The following GTF2E1 variants were observed in gnomAD, a reference collection of about 807,000 sequenced individuals.
GTF2E1 encodes the protein TFIIE alpha subunit.
A neutral mutation model predicts 34.9 loss-of-function variants in GTF2E1; 14 were observed. The ratio of observed to expected loss-of-function variants is 0.40; its 90% CI spans 0.27 to 0.63. The LOEUF (loss-of-function observed/expected upper bound fraction) is 0.63. GTF2E1 is among the 20% of genes least tolerant of loss of function. GTF2E1 has a pLI of 0.39. For synonymous variants in GTF2E1, 188 were observed against 192.9 expected (o/e 0.97, Z 0.21); for missense variants, 469 against 557.7 (o/e 0.84, Z 1.60).
chr3:120,743,062 G>A (rs1282382115), intron 1 of GTF2E1: 1 of 160,552 alleles, frequency 6.2e-6, no homozygotes, highest in Non-Finnish European at 1.4e-5. Context: ...GCATTGGGGA[G>A]GAGTGCATAT....
chr3:120,780,073 G>T (rs1709434164), intron 4 of GTF2E1, among the ~76,000 whole-genome samples: 1 of 152,138 alleles, frequency 6.6e-6, no homozygotes, highest in African/African-American at 2.4e-5. Flanking sequence ...TTTTTATAAA[G>T]AGTTTTAAGT....
At chr3:120,767,336 C>T (rs147371331) in intron 2 of GTF2E1, among the ~76,000 whole-genome samples, 9 of 152,198 alleles carry the variant, frequency 5.9e-5, no homozygotes, top group African/African-American at 2.2e-4. Context: ...AGCAGGTTTG[C>T]TTATGGTCCA....
In GTF2E1 at chr3:120,781,068, G is replaced by T; in HGVS notation, c.918G>T (p.Gln306His). The change falls in exon 5 of 5, where the codon CAG becomes CAT. Residue 306 changes from glutamine (Q) to histidine (H), a missense_variant. Coordinates refer to ENST00000283875, the MANE Select transcript of GTF2E1 (RefSeq NM_005513.3). ...GGGGCATAGATATGGACGCATTTCA[G>T]GAGCGTGAGGAAGGCCATGCTGGGC... ...KEGGIDMDAFQEREEGHAGPD... is the reference protein window; with the variant it reads ...KEGGIDMDAFHEREEGHAGPD... 6.2e-7 allele frequency: 1 copy of T among 1,613,444 alleles called. No individual in the cohort carries two copies. Among genetic ancestry groups the T allele is most frequent in the Non-Finnish European group, 8.5e-7 (1 of 1,179,540 alleles).
At position 120,770,722 on chromosome 3, in the gene GTF2E1, CTG is replaced by C; in HGVS notation, c.449-4_449-3del. On this transcript the variant is annotated splice_region_variant and splice_polypyrimidine_tract_variant and intron_variant, in intron 2 of 4. Coordinates refer to ENST00000283875, the MANE Select transcript of GTF2E1 (RefSeq NM_005513.3). The stretch of plus-strand genomic sequence containing the variant: ...CTCTGACCTGAGATACTTGTTTTCT[CTG>C]TAGGAACTTTCCGCTGTACTTTTTG... 1 of 1,609,910 alleles carries C rather than the reference CTG, an allele frequency of 6.2e-7. No homozygotes were observed. The highest frequency in any genetic ancestry group is 1.3e-5 in the African/African-American group (1 of 74,928).
chr3:120,781,339 A>G lies in GTF2E1; in HGVS notation c.1189A>G (p.Met397Val). The G allele has an allele frequency of 6.2e-7, 1 of 1,614,190 alleles. No homozygotes were observed. Among genetic ancestry groups the G allele is most frequent in the Non-Finnish European group, 8.5e-7 (1 of 1,180,012 alleles). Reference protein sequence around the residue: ...FEEVADDPIVMVAGRPFSYSE... With the variant: ...FEEVADDPIVVVAGRPFSYSE... The stretch of plus-strand genomic sequence containing the variant: ...AGAAGTAGCAGATGACCCCATTGTC[A>G]TGGTGGCTGGCCGTCCGTTCTCCTA... Residue 397 changes from methionine to valine, a missense_variant, in exon 5 of 5, where the codon ATG becomes GTG. Physicochemically the swap from Met to Val is conservative, Grantham distance 21. Transcript: ENST00000283875.
At chr3:120,757,705 T>C (rs368289389) in intron 2 of GTF2E1, among the ~76,000 whole-genome samples, 1 of 152,178 alleles carries the variant, frequency 6.6e-6, no homozygotes, top group East Asian at 1.9e-4. Flanking sequence ...TTAATAGATA[T>C]TCCCCCGAAC....
At chr3:120,779,414 AAT>A (rs1369769754) in intron 4 of GTF2E1, among the ~76,000 whole-genome samples, 1 of 152,192 alleles carries the variant, frequency 6.6e-6, no homozygotes, top group Non-Finnish European at 1.5e-5. Flanking sequence ...AGCCTTTGAC[AAT>A]ATTTTGAAGT....
At chr3:120,771,887 G>A (rs572118997) in intron 3 of GTF2E1, among the ~76,000 whole-genome samples, 2 of 152,320 alleles carry the variant, frequency 1.3e-5, no homozygotes, top group Non-Finnish European at 2.9e-5. Flanking sequence ...GTTGGAATTA[G>A]AATCCAGTCT....
At chr3:120,776,395 C>A in intron 3 of GTF2E1, 28 bp from the exon 4 acceptor site, 2 of 1,590,358 alleles carry the variant, frequency 1.3e-6, no homozygotes, top group Non-Finnish European at 1.7e-6. Context: ...TTTTCTTCTT[C>A]CTGTACTCCT....
chr3:120,770,685 C>A, intron 2 of GTF2E1, 43 bp from the exon 3 acceptor site: 1 of 1,422,968 alleles, frequency 7.0e-7, no homozygotes, highest in Non-Finnish European at 9.9e-7. Context: ...AAACTATCTG[C>A]TAAAGTCTTC....
At position 120,750,842 on chromosome 3, in the gene GTF2E1, G is replaced by A. The variant is rs528335299; in HGVS notation, c.290G>A (p.Arg97His). ...CATAACTACTACTTCATCAATTATC[G>A]TACTCTTGTTAATGTGGTAAAATAT... Reference protein sequence around the residue: ...TRHNYYFINYRTLVNVVKYKL... With the variant: ...TRHNYYFINYHTLVNVVKYKL... Residue 97 changes from arginine (R) to histidine (H), a missense_variant, in exon 2 of 5, where the codon CGT (arginine) becomes CAT (histidine). By Grantham distance (29) the Arg-to-His change is conservative. Coordinates refer to ENST00000283875, the MANE Select transcript of GTF2E1 (RefSeq NM_005513.3). 11 of 1,613,966 alleles carry A rather than the reference G, an allele frequency of 6.8e-6. No individual in the cohort carries two copies. Among genetic ancestry groups the A allele is most frequent in the South Asian group, 2.2e-5 (2 of 91,082 alleles).
intron 2 of GTF2E1, 110 bp from the exon 3 acceptor site, chr3:120,770,618 A>G: frequency 1.3e-6 from 1 of 763,422 alleles, no homozygotes; most frequent in African/African-American, 1.7e-5. Context: ...AATTCTTTCA[A>G]CCTTTGTGTA....
chr3:120,748,544 A>G (rs1709130584), intron 1 of GTF2E1, among the ~76,000 whole-genome samples: 1 of 152,176 alleles, frequency 6.6e-6, no homozygotes, highest in Admixed American at 6.5e-5. Context: ...CAGGTTTGTC[A>G]AAGATCAGAT....
intron 2 of GTF2E1, among the ~76,000 whole-genome samples, chr3:120,769,857 C>T (rs1325348000): frequency 6.6e-6 from 1 of 151,994 alleles, no homozygotes; most frequent in Non-Finnish European, 1.5e-5. Flanking sequence ...GGCATTTAGA[C>T]AATAAGAAGA....
In GTF2E1 at chr3:120,750,836, A is replaced by G. The variant is rs752278473; in HGVS notation, c.284A>G (p.Asn95Ser). 8 of 1,613,922 alleles carry G rather than the reference A, an allele frequency of 5.0e-6. No individual in the cohort carries two copies. In the Admixed American group the frequency reaches 6.7e-5, roughly 13 times the overall value. Residue 95 changes from asparagine to serine, a missense_variant, in exon 2 of 5, where the codon AAT becomes AGT. Coordinates refer to ENST00000283875, the MANE Select transcript of GTF2E1 (RefSeq NM_005513.3). ...ACTCGCCATAACTACTACTTCATCA[A>G]TTATCGTACTCTTGTTAATGTGGTA... ...KTTRHNYYFI[N>S]YRTLVNVVKY... is the part of the protein sequence containing the mutation.
intron 2 of GTF2E1, among the ~76,000 whole-genome samples, chr3:120,762,169 T>G (rs225179): frequency 0.98 from 148,952 of 152,310 alleles, 72,846 homozygotes; most frequent in East Asian, 1. Flanking sequence ...GTGATGTGGT[T>G]CTGAGAAGAA....
At chr3:120,775,791 G>A (rs955324033) in intron 3 of GTF2E1, among the ~76,000 whole-genome samples, 2 of 152,190 alleles carry the variant, frequency 1.3e-5, no homozygotes, top group African/African-American at 4.8e-5. Context: ...TGGATACAGA[G>A]TATCAGCATA....
intron 1 of GTF2E1, chr3:120,749,848 G>A (rs1311984039): frequency 6.6e-6 from 1 of 152,108 alleles, no homozygotes; most frequent in African/African-American, 2.4e-5. Flanking sequence ...CTTTGTCAAG[G>A]GATCCAGTAT....
At chr3:120,771,666 A>G (rs1007160732) in intron 3 of GTF2E1, among the ~76,000 whole-genome samples, 2 of 152,072 alleles carry the variant, frequency 1.3e-5, no homozygotes, top group Admixed American at 6.6e-5. Context: ...CTGTATTTGT[A>G]TAGTTTTTAG....
Sources: allele counts gnomAD v4.1 joint callset (sites outside exome capture counted in the v4.1 genomes callset), GRCh38; gene constraint gnomAD v4.1.1; transcripts MANE v1.5; gene names NCBI Gene and HGNC (gene_info 2026-07-23, HGNC 2026-07-21).